The following SPEG variants were observed in gnomAD, a reference collection of about 807,000 sequenced individuals.
The protein encoded by SPEG is striated muscle enriched protein kinase, also known as striated muscle preferentially expressed protein kinase.
In SPEG, 114 loss-of-function variants were observed where a neutral mutation model predicts 300.4. The ratio of observed to expected loss-of-function variants is 0.38; its 90% confidence interval spans 0.33 to 0.44. The LOEUF (loss-of-function observed/expected upper bound fraction) is 0.44, where lower values mean the gene tolerates loss of function less well. Ranked by LOEUF, SPEG falls within the 20% of genes least tolerant of loss-of-function variation. SPEG has a pLI of 1.00. For synonymous variants in SPEG, 1,964 were observed against 2,018.9 expected, an observed-to-expected ratio of 0.97 and a Z score of 0.73; for missense variants, 4,201 against 4,586.2, an observed-to-expected ratio of 0.92 and a Z score of 2.43.
Position 219,473,762 on chromosome 2 carries a change from G to A in SPEG, c.4306G>A (p.Val1436Met). ...GGCCCTCCTAGAGGCACGGGCCGGTGTGTACGAGCTGAGCCAGCCAGATGA... is the reference window on the plus strand; with the variant it reads ...GGCCCTCCTAGAGGCACGGGCCGGTATGTACGAGCTGAGCCAGCCAGATGA... ...RGALLEARAGVYELSQPDDDQ... is the reference protein window; with the variant it reads ...RGALLEARAGMYELSQPDDDQ... Residue 1436 changes from valine (V) to methionine (M), a missense_variant, in exon 18 of 41, where the codon GTG (valine) becomes ATG (methionine). Val to Met is a conservative substitution (Grantham distance 21). Transcript: ENST00000312358. This position sits in a 1 kb window ranked among gnomAD's most constrained non-coding sequence, Gnocchi z 4.6. 1 of 1,614,034 alleles carries A rather than the reference G, an allele frequency of 6.2e-7. No homozygotes were observed. Among genetic ancestry groups the A allele is most frequent in the Middle Eastern group, 1.6e-4 (1 of 6,062 alleles).
chr2:219,492,504 A>T, intron 40 of SPEG, 90 bp from the exon 41 acceptor site: 1 of 1,396,156 alleles, frequency 7.2e-7, no homozygotes, highest in Non-Finnish European at 9.9e-7. Context: ...GGTGGGATCC[A>T]GGACTGGGAC....
intron 32 of SPEG, 89 bp downstream of exon 32, chr2:219,488,399 G>T: frequency 1.3e-6 from 2 of 1,503,154 alleles, no homozygotes; most frequent in South Asian, 2.5e-5. Context: ...AGTGGGGACT[G>T]AGCACGGTTA....
chr2:219,448,478 G>T lies in SPEG; in HGVS notation c.1320G>T (p.Lys440Asn). 1 of 1,474,360 alleles carries T rather than the reference G, an allele frequency of 6.8e-7. No individual in the cohort carries two copies. Among genetic ancestry groups the T allele is most frequent in the Non-Finnish European group, 8.9e-7 (1 of 1,121,944 alleles). 91.3% of individuals were successfully genotyped at this position (1,474,360 alleles called of 1,614,324 possible). ...LRKARSLEQP[K>N]SERGAPWGTP... ...AGGCCCGCTCTCTGGAGCAGCCCAA[G>T]TCGGAGCGCGGCGCACCGTGGGGCA... The change falls in exon 4 of 41, where the codon AAG (lysine) becomes AAT (asparagine). Residue 440 changes from lysine (K) to asparagine (N), a missense_variant. Physicochemically the swap from Lys to Asn is moderately conservative, Grantham distance 94 (BLOSUM62 0). Around this residue, in one of 4 missense-constraint regions of SPEG, gnomAD observed 1,258 missense variants for 1,293.9 expected, o/e 0.97. Coordinates refer to ENST00000312358, the MANE Select transcript of SPEG (RefSeq NM_005876.5).
rs927925205 is a variant in SPEG at position 219,489,107 on chromosome 2, G to A, written c.8203G>A (p.Val2735Met). ...AGGCATCCCCGACTGTTACTACAAC[G>A]TGACCCACCTGCCAGTTGGCGTGAC... Reference protein sequence around the residue: ...SSGIPDCYYNVTHLPVGVTVR... With the variant: ...SSGIPDCYYNMTHLPVGVTVR... Residue 2735 changes from valine to methionine, a missense_variant, in exon 35 of 41, where the codon GTG (valine) becomes ATG (methionine). This residue lies in a region of SPEG where 1,578 missense variants were observed against 1,506.0 expected (regional missense o/e 1.05). Coordinates refer to ENST00000312358, the MANE Select transcript of SPEG (RefSeq NM_005876.5). 6.2e-6 allele frequency: 10 copies of A among 1,613,978 alleles called. No homozygotes were observed. The highest frequency in any genetic ancestry group is 4.0e-5 in the African/African-American group (3 of 74,996).
Position 219,462,013 on chromosome 2 carries a change from C to T in SPEG, c.2572C>T (p.Arg858Cys), listed in dbSNP as rs199582765. ...PTMKPSPSQN[R>C]RSSDTGSKAP... Reference sequence around the variant, plus strand: ...CATGAAGCCCAGTCCCAGCCAGAACCGCCGTTCTTCTGACACTGGCTCCAA... The same window carrying T: ...CATGAAGCCCAGTCCCAGCCAGAACTGCCGTTCTTCTGACACTGGCTCCAA... Residue 858 changes from arginine to cysteine, a missense_variant, in exon 7 of 41, where the codon CGC becomes TGC. Transcript: ENST00000312358. The T allele has an allele frequency of 3.0e-4, 481 of 1,612,726 alleles. 3 individuals carry two copies. In the African/African-American group the frequency reaches 5.1e-3, roughly 17 times the overall value.
Position 219,443,105 on chromosome 2 carries a change from C to T in SPEG, c.389-1548C>T. On this transcript the variant is annotated intron_variant, in intron 1 of 40. Coordinates refer to ENST00000312358, the MANE Select transcript of SPEG (RefSeq NM_005876.5). The surrounding 1 kb of genome is among the most constrained non-coding windows in gnomAD (Gnocchi z 4.6). ...ACTACTCATTCTGGCTTTTCTCTTTCAGAAAACCGGCCATTCCCGCCGGGC... is the reference window on the plus strand; with the variant it reads ...ACTACTCATTCTGGCTTTTCTCTTTTAGAAAACCGGCCATTCCCGCCGGGC... 1.2e-6 allele frequency: 2 copies of T among 1,612,214 alleles called. No homozygotes were observed. Among genetic ancestry groups the T allele is most frequent in the Non-Finnish European group, 1.7e-6 (2 of 1,179,520 alleles).
intron 6 of SPEG, among the ~76,000 whole-genome samples, chr2:219,453,922 C>T (rs1041867128): frequency 6.6e-6 from 1 of 152,136 alleles, no homozygotes; most frequent in Non-Finnish European, 1.5e-5. Context: ...CTGGAGTCTG[C>T]AGGCAGTGAG....
At chr2:219,470,783 G>T (rs1446072937) in intron 13 of SPEG, among the ~76,000 whole-genome samples, 1 of 151,814 alleles carries the variant, frequency 6.6e-6, no homozygotes, top group African/African-American at 2.4e-5. Flanking sequence ...TTTATTAGCC[G>T]TGGGACCTTG....
Position 219,481,528 on chromosome 2 carries a change from C to T in SPEG, c.5522+72C>T. ...ACCACCTGCCTGCTACTCCCAAACT[C>T]CTGCCCCTCGACATGCAAGCCCCCA... On this transcript the variant is annotated intron_variant, in intron 27 of 40. Transcript: ENST00000312358. The surrounding 1 kb of genome is among the most constrained non-coding windows in gnomAD (Gnocchi z 5.4). The T allele has an allele frequency of 1.2e-6, 2 of 1,606,670 alleles. No homozygotes were observed. The highest frequency in any genetic ancestry group is 2.2e-5 in the East Asian group (1 of 44,758).
chr2:219,455,027 G>A (rs931442884), intron 6 of SPEG, among the ~76,000 whole-genome samples: 9 of 152,186 alleles, frequency 5.9e-5, no homozygotes, highest in African/African-American at 2.2e-4. Context: ...CCAGGAGGCC[G>A]AGGTTGCAGT....
chr2:219,485,458 G>A lies in SPEG; in HGVS notation c.7722G>A (p.Gln2574=), dbSNP rs370649349. The A allele has an allele frequency of 1.8e-4, 291 of 1,595,806 alleles. 2 individuals are homozygous for A. Among genetic ancestry groups the A allele is most frequent in the Non-Finnish European group, 2.1e-4 (247 of 1,170,318 alleles). The change falls in exon 31 of 41, where the codon CAG becomes CAA. Residue 2574 remains glutamine (Q), a synonymous_variant. Transcript: ENST00000312358. ...SASVQEELGH[Q]YVRSESDFPP... ...GCGTCCAGGAGGAGTTGGGTCACCA[G>A]TACGTGCGCAGTGAGTCAGGTAATA... is the stretch of plus-strand genomic sequence containing the variant.
intron 6 of SPEG, among the ~76,000 whole-genome samples, chr2:219,455,344 A>G (rs979617798): frequency 6.6e-6 from 1 of 152,218 alleles, no homozygotes; most frequent in Admixed American, 6.5e-5. Flanking sequence ...ATTGATCAAT[A>G]GACATTTCTG....
chr2:219,450,005 G>A (rs781651382), intron 4 of SPEG, among the ~76,000 whole-genome samples: 2 of 152,108 alleles, frequency 1.3e-5, no homozygotes, highest in African/African-American at 2.4e-5. Context: ...AGAGGAAGGC[G>A]TCCTTGACCC....
At chr2:219,453,892 G>A (rs1689963902) in intron 6 of SPEG, among the ~76,000 whole-genome samples, 1 of 152,214 alleles carries the variant, frequency 6.6e-6, no homozygotes, top group African/African-American at 2.4e-5. Flanking sequence ...ACAGACATCT[G>A]GCAAGGGGTG....
In SPEG at chr2:219,483,712, G is replaced by C; in HGVS notation, c.6249G>C (p.Lys2083Asn). ...RLLRGGPEDG[K>N]VSGLRGPLLE... The stretch of plus-strand genomic sequence containing the variant: ...TGCGGGGAGGCCCCGAGGATGGCAA[G>C]GTCAGCGGCCTCAGGGGTCCCCTGC... The change falls in exon 30 of 41, where the codon AAG becomes AAC. Residue 2083 changes from lysine (K) to asparagine (N), a missense_variant. Physicochemically the swap from Lys to Asn is moderately conservative, Grantham distance 94. Transcript: ENST00000312358. The C allele has an allele frequency of 3.3e-6, 5 of 1,534,672 alleles. No homozygotes were observed. The highest frequency in any genetic ancestry group is 4.4e-6 in the Non-Finnish European group (5 of 1,146,974).
chr2:219,435,439 C>A, intron 1 of SPEG, 74 bp downstream of exon 1: 1 of 1,428,094 alleles, frequency 7.0e-7, no homozygotes, highest in Non-Finnish European at 9.2e-7. Flanking sequence ...CCAGGCCACG[C>A]GGGTAAGGTA....
chr2:219,472,568 C>G (rs952333618), intron 15 of SPEG, among the ~76,000 whole-genome samples: 1 of 152,174 alleles, frequency 6.6e-6, no homozygotes, highest in African/African-American at 2.4e-5. Context: ...GAGTGGGTGC[C>G]TGGGTCAGGA....
rs115399593 is a variant in SPEG at position 219,479,533 on chromosome 2, C to G, written c.5086-250C>G. ...TATTGATCTCACTGCAGTCCTGCCA[C>G]GTCAGGCTGTACATGTTGTGCACTG... On this transcript the variant is annotated intron_variant, in intron 23 of 40. Transcript: ENST00000312358. The surrounding 1 kb of genome is among the most constrained non-coding windows in gnomAD (Gnocchi z 5.5). Among the ~76,000 whole-genome samples, 1 of 152,230 alleles carries G rather than the reference C, an allele frequency of 6.6e-6. No homozygotes were observed. Among genetic ancestry groups the G allele is most frequent in the African/African-American group, 2.4e-5 (1 of 41,450 alleles).
chr2:219,489,622 C>G lies in SPEG; in HGVS notation c.8604C>G (p.Thr2868=). 6.2e-7 allele frequency: 1 copy of G among 1,613,906 alleles called. No individual in the cohort carries two copies. The highest frequency in any genetic ancestry group is 8.5e-7 in the Non-Finnish European group (1 of 1,179,992). The change falls in exon 36 of 41, where the codon ACC becomes ACG. Residue 2868 remains threonine, a synonymous_variant. Coordinates refer to ENST00000312358, the MANE Select transcript of SPEG (RefSeq NM_005876.5). ...AEPTLPSTHV[T]PSEPKPFVLD... is the part of the protein sequence containing the mutation. ...CCACCCTACCCAGTACCCACGTCAC[C>G]CCAAGTGAGCCCAAGCCTTTCGTCC...
Sources: allele counts gnomAD v4.1 joint callset (sites outside exome capture counted in the v4.1 genomes callset), GRCh38; gene constraint gnomAD v4.1.1; regional missense constraint gnomAD v4.1.1; non-coding constraint Gnocchi (gnomAD v3.1); transcripts MANE v1.5; gene names NCBI Gene and HGNC (gene_info 2026-07-23, HGNC 2026-07-21).